The following EYA2 variants were observed in gnomAD, a reference collection of about 807,000 sequenced individuals.
The protein encoded by EYA2 is protein phosphatase EYA2.
EYA2 carries 31 observed loss-of-function variants against 69.2 expected under a neutral mutation model. The ratio of observed to expected loss-of-function variants is 0.45; its 90% CI spans 0.34 to 0.60. The LOEUF (loss-of-function observed/expected upper bound fraction) is 0.60, where lower values mean the gene tolerates loss of function less well. Among genes scored for constraint, EYA2 ranks in the 20% least tolerant of loss-of-function variants. The pLI is 0.02. For missense variants in EYA2, 622 were observed against 701.2 expected, an observed-to-expected ratio of 0.89 and a Z score of 1.28; for synonymous variants, 257 against 279.4, an observed-to-expected ratio of 0.92 and a Z score of 0.80.
chr20:47,141,901 A>G (rs1464954635), intron 9 of EYA2, among the ~76,000 whole-genome samples: 1 of 152,180 alleles, frequency 6.6e-6, no homozygotes, highest in African/African-American at 2.4e-5. Context: ...TACAAGAAGT[A>G]TGTTTTTTCA....
intron 12 of EYA2, among the ~76,000 whole-genome samples, chr20:47,176,076 C>CTTT (rs35654076): frequency 9.8e-5 from 11 of 112,488 alleles, no homozygotes; most frequent in East Asian, 4.6e-4. Flanking sequence ...CACTTAAATT[C>CTTT]TTTTTTTTTT....
chr20:47,150,886 A>G (rs1488453214), intron 10 of EYA2, among the ~76,000 whole-genome samples: 1 of 151,910 alleles, frequency 6.6e-6, no homozygotes, highest in Non-Finnish European at 1.5e-5. Context: ...CACACCTTCC[A>G]AGGCAAGGGA....
chr20:47,109,872 G>A (rs147075328), intron 9 of EYA2, among the ~76,000 whole-genome samples: 3 of 152,274 alleles, frequency 2.0e-5, no homozygotes, highest in East Asian at 1.9e-4. Context: ...ACAATGCACA[G>A]GATGGCCCCA....
At chr20:46,950,342 C>A (rs1978721234) in intron 1 of EYA2, among the ~76,000 whole-genome samples, 1 of 152,148 alleles carries the variant, frequency 6.6e-6, no homozygotes, top group African/African-American at 2.4e-5. Context: ...TCTAAGGAGT[C>A]TCAAGTACCC....
intron 7 of EYA2, among the ~76,000 whole-genome samples, chr20:47,088,220 C>T (rs995286334): frequency 1.2e-4 from 19 of 152,050 alleles, no homozygotes; most frequent in Admixed American, 1.2e-3. Flanking sequence ...AGCAACAGAG[C>T]GAGACTCCGT....
intron 1 of EYA2, among the ~76,000 whole-genome samples, chr20:46,941,734 G>A (rs1049997570): frequency 4.6e-5 from 7 of 152,034 alleles, no homozygotes; most frequent in East Asian, 1.9e-4. Flanking sequence ...AGCAGGTGGC[G>A]GGTACATGAT....
intron 3 of EYA2, 125 bp from the exon 4 acceptor site, chr20:47,004,817 A>T (rs1173080047): frequency 1.6e-6 from 2 of 1,256,778 alleles, no homozygotes; most frequent in Non-Finnish European, 2.3e-6. Context: ...TTTGGTGAAC[A>T]TGTATGTTGT....
At chr20:46,945,725 A>G (rs1978415861) in intron 1 of EYA2, among the ~76,000 whole-genome samples, 1 of 152,238 alleles carries the variant, frequency 6.6e-6, no homozygotes, top group South Asian at 2.1e-4. Flanking sequence ...GGCGTGTTAC[A>G]GGAAGGGAAT....
chr20:46,906,920 T>G (rs960335833), intron 1 of EYA2, among the ~76,000 whole-genome samples: 1 of 152,206 alleles, frequency 6.6e-6, no homozygotes, highest in Non-Finnish European at 1.5e-5. Context: ...TTATAATTTT[T>G]CAGTTTCTTA....
chr20:47,063,944 C>G (rs916852574), intron 5 of EYA2, among the ~76,000 whole-genome samples: 1 of 152,140 alleles, frequency 6.6e-6, no homozygotes, highest in African/African-American at 2.4e-5. Context: ...AGAACCTGGG[C>G]GACTAATAGT....
chr20:47,089,813 C>T (rs2032017757), intron 8 of EYA2, among the ~76,000 whole-genome samples: 1 of 152,146 alleles, frequency 6.6e-6, no homozygotes. Context: ...GTTCTCTACC[C>T]TGGTTACACA....
At chr20:47,050,485 G>A (rs1297059927) in intron 5 of EYA2, among the ~76,000 whole-genome samples, 1 of 152,128 alleles carries the variant, frequency 6.6e-6, no homozygotes, top group Admixed American at 6.6e-5. Context: ...CGGGGACTTT[G>A]GAAATAATTC....
At chr20:47,110,885 C>T (rs1327407149) in intron 9 of EYA2, among the ~76,000 whole-genome samples, 1 of 152,234 alleles carries the variant, frequency 6.6e-6, no homozygotes, top group East Asian at 1.9e-4. Flanking sequence ...ATGCTCCATG[C>T]CCCCTAGCCT....
At chr20:46,900,021 G>T (rs1448647288) in intron 1 of EYA2, among the ~76,000 whole-genome samples, 1 of 152,108 alleles carries the variant, frequency 6.6e-6, no homozygotes, top group Non-Finnish European at 1.5e-5. Flanking sequence ...TTGTCATTTG[G>T]TATCAATAGT....
chr20:46,957,252 C>G (rs1979183286), intron 1 of EYA2, among the ~76,000 whole-genome samples: 1 of 152,202 alleles, frequency 6.6e-6, no homozygotes, highest in African/African-American at 2.4e-5. Context: ...CTTCCTCCTT[C>G]TTTACTGCTT....
Position 47,117,655 on chromosome 20 carries a change from A to AG in EYA2, c.888+20488dup, listed in dbSNP as rs1187701581. Reference sequence around the variant, plus strand: ...AAACTGAGAAGAAATAAAAAGAAAAAGAAAAAGAAAACCCGGTTTTATGAC... The same window carrying AG: ...AAACTGAGAAGAAATAAAAAGAAAAAGGAAAAAGAAAACCCGGTTTTATGAC... On this transcript the variant is annotated intron_variant, in intron 9 of 15. Coordinates refer to ENST00000327619, the MANE Select transcript of EYA2 (RefSeq NM_005244.5). 3.0e-6 allele frequency: 3 copies of AG among 985,420 alleles called. No homozygotes were observed. In the African/African-American group the frequency reaches 5.2e-5, roughly 17 times the overall value. The allele number at this position is 985,420 out of a possible 1,614,324, so 61.0% of individuals were successfully genotyped here.
chr20:46,904,184 T>G (rs1984248104), intron 1 of EYA2, among the ~76,000 whole-genome samples: 1 of 152,096 alleles, frequency 6.6e-6, no homozygotes, highest in Non-Finnish European at 1.5e-5. Flanking sequence ...AGCAGTTAAC[T>G]GTTCCTGGGG....
chr20:47,143,252 T>C (rs1389504309), intron 10 of EYA2, 104 bp downstream of exon 10: 6 of 1,042,320 alleles, frequency 5.8e-6, no homozygotes, highest in Non-Finnish European at 8.1e-6. Flanking sequence ...TTTTTCTTTT[T>C]TTCTCCTTTT....
At chr20:46,901,649 A>G (rs1984116243) in intron 1 of EYA2, 1 of 152,214 alleles carries the variant, frequency 6.6e-6, no homozygotes. Context: ...TTCTAGAAAC[A>G]TTGATCTCTC....
Sources: gnomAD v4.1 joint callset for allele counts (sites outside exome capture counted in the v4.1 genomes callset) on GRCh38, gnomAD v4.1.1 for gene constraint, MANE v1.5 for transcripts, NCBI Gene and HGNC (gene_info 2026-07-23, HGNC 2026-07-21) for gene names.